CCSER2: variants seen among roughly 807,000 people sequenced by gnomAD.
CCSER2 encodes the protein coiled-coil serine rich protein 2, also known as serine-rich coiled-coil domain-containing protein 2.
In CCSER2, 46 loss-of-function variants were observed where a neutral mutation model predicts 92.3. The observed-to-expected ratio is 0.50, with a 90% CI of 0.39 to 0.64. The LOEUF (loss-of-function observed/expected upper bound fraction) is 0.64, where lower values mean the gene tolerates loss of function less well. Among genes scored for constraint, CCSER2 ranks in the 30% least tolerant of loss-of-function variants. CCSER2 has a pLI of 0.00. For missense variants in CCSER2, 1,244 were observed against 1,238.9 expected, an observed-to-expected ratio of 1.00 and a Z score of -0.06; for synonymous variants, 433 against 431.4, an observed-to-expected ratio of 1.00 and a Z score of -0.04.
chr10:84,417,745 A>G, intron 3 of CCSER2, 26 bp from the exon 4 acceptor site: 1 of 1,114,932 alleles, frequency 9.0e-7, no homozygotes, highest in Non-Finnish European at 1.4e-6. Flanking sequence ...AGATTATGGT[A>G]TATTTTTTAC....
intron 1 of CCSER2, among the ~76,000 whole-genome samples, chr10:84,368,508 CATA>C (rs1845901133): frequency 6.6e-6 from 1 of 151,948 alleles, no homozygotes; most frequent in Non-Finnish European, 1.5e-5. Context: ...TTACTTTTGA[CATA>C]ATAACATGTA....
chr10:84,450,637 C>T (rs1225605504), intron 6 of CCSER2, among the ~76,000 whole-genome samples: 2 of 152,112 alleles, frequency 1.3e-5, no homozygotes, highest in African/African-American at 4.8e-5. Flanking sequence ...ATCAATAAAA[C>T]ATGAAATTAT....
At chr10:84,338,915 T>G (rs1030368055) in intron 1 of CCSER2, among the ~76,000 whole-genome samples, 1 of 152,156 alleles carries the variant, frequency 6.6e-6, no homozygotes, top group Admixed American at 6.5e-5. Context: ...GTAGTCAATA[T>G]TTAGTGTTGG....
At chr10:84,400,431 G>A (rs890604183) in intron 3 of CCSER2, among the ~76,000 whole-genome samples, 2 of 152,024 alleles carry the variant, frequency 1.3e-5, no homozygotes, top group South Asian at 2.1e-4. Context: ...TTGGCCTCCC[G>A]AAGTGCTAGA....
intron 1 of CCSER2, among the ~76,000 whole-genome samples, chr10:84,341,440 C>T (rs1844181708): frequency 6.7e-6 from 1 of 149,960 alleles, no homozygotes; most frequent in South Asian, 2.1e-4. Context: ...CTGCTTCGAC[C>T]TCTCAAAGTG....
intron 6 of CCSER2, among the ~76,000 whole-genome samples, chr10:84,449,021 A>T (rs1845101468): frequency 6.6e-6 from 1 of 152,200 alleles, no homozygotes; most frequent in South Asian, 2.1e-4. Context: ...TTGTGGAATA[A>T]TTGGGATAAT....
At chr10:84,362,643 A>G (rs1290636673) in intron 1 of CCSER2, among the ~76,000 whole-genome samples, 1 of 152,148 alleles carries the variant, frequency 6.6e-6, no homozygotes, top group Non-Finnish European at 1.5e-5. Flanking sequence ...CATTTATGTG[A>G]GTGAAAATGA....
intron 3 of CCSER2, among the ~76,000 whole-genome samples, chr10:84,380,501 T>C (rs1840838708): frequency 6.7e-6 from 1 of 148,920 alleles, no homozygotes; most frequent in Admixed American, 7.0e-5. Flanking sequence ...CTTCATTGTT[T>C]TTGCTTCACA....
chr10:84,468,361 A>G (rs1290438080), intron 7 of CCSER2, among the ~76,000 whole-genome samples: 6 of 152,206 alleles, frequency 3.9e-5, no homozygotes, highest in Non-Finnish European at 8.8e-5. Flanking sequence ...GAGATGATAA[A>G]TGTTTGAGAT....
chr10:84,434,587 ATTG>A (rs1220569939), intron 5 of CCSER2, among the ~76,000 whole-genome samples: 3 of 152,302 alleles, frequency 2.0e-5, no homozygotes, highest in South Asian at 2.1e-4. Flanking sequence ...TGAAGGGTAT[ATTG>A]TTGTTCATTG....
At chr10:84,428,830 C>T in intron 5 of CCSER2, among the ~76,000 whole-genome samples, 1 of 151,858 alleles carries the variant, frequency 6.6e-6, no homozygotes. Flanking sequence ...TGGATTTTGT[C>T]AATTACTTTT....
At chr10:84,474,120 A>G (rs1443133712) in intron 8 of CCSER2, among the ~76,000 whole-genome samples, 2 of 152,222 alleles carry the variant, frequency 1.3e-5, no homozygotes, top group Non-Finnish European at 2.9e-5. Context: ...ACAATACCAT[A>G]GTTAAATAAT....
chr10:84,471,035 G>C lies in CCSER2; in HGVS notation c.2235+577G>C, dbSNP rs1846760678. 3.3e-5 allele frequency among the ~76,000 whole-genome samples: 5 copies of C among 152,112 alleles called. No individual in the cohort carries two copies. In the South Asian group the frequency reaches 1.0e-3, roughly 32 times the overall value. On this transcript the variant is annotated intron_variant, in intron 8 of 9. Coordinates refer to ENST00000372088, the MANE Select transcript of CCSER2 (RefSeq NM_001284240.2). ...ATTATTACTTAGTTTGTATATAAAAGACCATGATAAAAAGAAAATAATGGC... is the reference window on the plus strand; with the variant it reads ...ATTATTACTTAGTTTGTATATAAAACACCATGATAAAAAGAAAATAATGGC...
chr10:84,412,245 T>C (rs1180079807), intron 3 of CCSER2, among the ~76,000 whole-genome samples: 1 of 152,112 alleles, frequency 6.6e-6, no homozygotes, highest in East Asian at 1.9e-4. Flanking sequence ...TGGCCTAAAG[T>C]TTTCTTTTTT....
At chr10:84,358,685 TAC>T (rs568877723) in intron 1 of CCSER2, among the ~76,000 whole-genome samples, 38 of 147,808 alleles carry the variant, frequency 2.6e-4, no homozygotes, top group South Asian at 4.2e-4. Context: ...TATATATATA[TAC>T]ACACACACAC....
At chr10:84,400,140 T>C (rs779365600) in intron 3 of CCSER2, among the ~76,000 whole-genome samples, 6 of 152,204 alleles carry the variant, frequency 3.9e-5, no homozygotes, top group Non-Finnish European at 8.8e-5. Context: ...CAGATTCTTA[T>C]CAAATGTGTG....
intron 6 of CCSER2, chr10:84,455,510 A>G (rs769096606): frequency 2.1e-5 from 7 of 337,466 alleles, no homozygotes; most frequent in African/African-American, 8.7e-5. Context: ...TCCTGACCTC[A>G]GGTGATCTGC....
At chr10:84,392,017 A>G in intron 3 of CCSER2, 1 of 1,289,992 alleles carries the variant, frequency 7.8e-7, no homozygotes. Flanking sequence ...CTTCCCTTAA[A>G]AAGAGCGTCT....
At chr10:84,386,287 T>G (rs2133235062) in intron 3 of CCSER2, among the ~76,000 whole-genome samples, 1 of 152,368 alleles carries the variant, frequency 6.6e-6, no homozygotes. Context: ...ATATCTGCAC[T>G]TGTATGTTTA....
Sources: allele counts gnomAD v4.1 joint callset (sites outside exome capture counted in the v4.1 genomes callset), GRCh38; gene constraint gnomAD v4.1.1; transcripts MANE v1.5; gene names NCBI Gene and HGNC (gene_info 2026-07-23, HGNC 2026-07-21).